ZNF212: variants seen among roughly 807,000 people sequenced by gnomAD.
ZNF212 encodes Zinc finger protein C2H2-150.
In ZNF212, 32 loss-of-function variants were observed where a neutral mutation model predicts 47.3. The ratio of observed to expected loss-of-function variants is 0.68; its 90% CI spans 0.51 to 0.91. The LOEUF (loss-of-function observed/expected upper bound fraction) is 0.91, where lower values mean the gene tolerates loss of function less well. Ranked by LOEUF, ZNF212 falls within the 40% of genes least tolerant of loss-of-function variation. The pLI is 0.00. For missense variants in ZNF212, 555 were observed against 622.8 expected (o/e 0.89, Z 1.16); for synonymous variants, 242 against 253.8 (o/e 0.95, Z 0.44).
Position 149,239,810 on chromosome 7 carries a change from G to A in ZNF212, c.24+8G>A, listed in dbSNP as rs188220516. 9.1e-3 allele frequency: 11,551 copies of A among 1,272,566 alleles called. 67 individuals carry two copies. The highest frequency in any genetic ancestry group is 0.01 in the Non-Finnish European group (10,245 of 1,001,394). The allele number at this position is 1,272,566 out of a possible 1,614,324, so 78.8% of individuals were successfully genotyped here. A position where few individuals can be genotyped will look rare whatever the true frequency, so the allele number is the denominator to read the frequency against. ...GAGTCGGCGCCTGCTCGGGTAAAGA[G>A]GCACCGGCGCGCTGGCTCGAGGGCG... On this transcript the variant is annotated splice_region_variant and intron_variant, in intron 1 of 4. Transcript: ENST00000335870.
At chr7:149,253,454 C>T in intron 4 of ZNF212, 105 bp from the exon 5 acceptor site, 2 of 1,412,038 alleles carry the variant, frequency 1.4e-6, no homozygotes, top group South Asian at 2.9e-5. Flanking sequence ...TCCTAATTCA[C>T]TTATTCCTGG....
intron 1 of ZNF212, among the ~76,000 whole-genome samples, chr7:149,244,661 T>C (rs978825400): frequency 8.5e-5 from 13 of 152,114 alleles, no homozygotes; most frequent in Non-Finnish European, 1.2e-4. Context: ...AATATCAAAG[T>C]GTAGAGACAA....
Position 149,250,266 on chromosome 7 carries a change from G to A in ZNF212, c.132G>A (p.Val44=). 1 of 1,613,466 alleles carries A rather than the reference G, an allele frequency of 6.2e-7. No homozygotes were observed. Among genetic ancestry groups the A allele is most frequent in the Non-Finnish European group, 8.5e-7 (1 of 1,179,696 alleles). Residue 44 remains valine (V), a synonymous_variant, in exon 2 of 5, where the codon GTG becomes GTA. Transcript: ENST00000335870. ...CCACCGAGATTTCACTCTGGACGGT[G>A]GTGGCCGCTATTCAGGCTGTGGAGA... ...FQTTEISLWT[V]VAAIQAVEKK...
At chr7:149,245,902 A>G (rs1422052014) in intron 1 of ZNF212, among the ~76,000 whole-genome samples, 2 of 152,122 alleles carry the variant, frequency 1.3e-5, no homozygotes, top group Non-Finnish European at 2.9e-5. Flanking sequence ...CATTCCTTCC[A>G]GGAGTGTTAT....
rs1454374640 is a variant in ZNF212, at chr7:149,255,463, TG to T, written c.*1050del. ...AGAGGGTACAGAAAAAGCACACAGA[TG>T]GCTTGTCTCAGGAGTGTTGAATGTG... On this transcript the variant is annotated 3_prime_UTR_variant, in exon 5 of 5. Transcript: ENST00000335870. 1 of 153,696 alleles carries T rather than the reference TG, an allele frequency of 6.5e-6. No individual in the cohort carries two copies. The highest frequency in any genetic ancestry group is 2.4e-5 in the African/African-American group (1 of 41,418). The allele number at this position is 153,696 out of a possible 1,614,324, so 9.5% of individuals were successfully genotyped here.
chr7:149,239,876 G>A (rs1796561821), intron 1 of ZNF212, 74 bp downstream of exon 1: 1 of 1,256,878 alleles, frequency 8.0e-7, no homozygotes, highest in Non-Finnish European at 1.0e-6. Context: ...GCGGGGCTTC[G>A]CGGTTTGGAC....
At chr7:149,246,326 C>T (rs1019230398) in intron 1 of ZNF212, among the ~76,000 whole-genome samples, 2 of 151,854 alleles carry the variant, frequency 1.3e-5, no homozygotes, top group African/African-American at 4.8e-5. Context: ...AGCATATTAC[C>T]AAGATAGAGA....
In ZNF212 at chr7:149,252,781, G is replaced by T; in HGVS notation, c.617G>T (p.Gly206Val). 1.9e-6 allele frequency: 3 copies of T among 1,614,056 alleles called. No individual in the cohort carries two copies. Among genetic ancestry groups the T allele is most frequent in the Non-Finnish European group, 2.5e-6 (3 of 1,180,002 alleles). ...MLGDLEEEGP[G>V]GAHPAGGVMI... ...GGTGACTTGGAAGAGGAAGGTCCTG[G>T]TGGTGCCCACCCAGGTGAGTGGCTC... The change falls in exon 4 of 5, where the codon GGT (glycine) becomes GTT (valine). Residue 206 changes from glycine to valine, a missense_variant. Transcript: ENST00000335870.
rs145118937 is a variant in ZNF212, at chr7:149,250,720, G to T, written c.454G>T (p.Glu152Ter). The change falls in exon 3 of 5, where the codon GAG (glutamate) becomes TAG (stop). Residue 152 changes from glutamate to a stop codon, truncating the protein, a stop_gained. Transcript: ENST00000335870. LOFTEE classifies it high-confidence loss of function. The stretch of plus-strand genomic sequence containing the variant: ...GGAGAATGATGGCGTCTGTTTCACC[G>T]AGCAGGAATGGGAGAATCTGGAGGA... Reference protein sequence around the residue: ...SLENDGVCFTEQEWENLEDWQ... With the variant: ...SLENDGVCFT 2 of 1,614,192 alleles carry T rather than the reference G, an allele frequency of 1.2e-6. No homozygotes were observed. The highest frequency in any genetic ancestry group is 2.2e-5 in the South Asian group (2 of 91,070).
At chr7:149,244,535 G>A (rs532648631) in intron 1 of ZNF212, among the ~76,000 whole-genome samples, 18 of 151,882 alleles carry the variant, frequency 1.2e-4, no homozygotes, top group Non-Finnish European at 2.2e-4. Context: ...GGATGGTCGC[G>A]ATCTCCTGAC....
At chr7:149,249,887 C>T (rs1430725920) in intron 1 of ZNF212, among the ~76,000 whole-genome samples, 2 of 152,164 alleles carry the variant, frequency 1.3e-5, no homozygotes, top group Admixed American at 1.3e-4. Flanking sequence ...CCTTGGCCTC[C>T]CAAAGTGCTG....
At chr7:149,242,032 T>C (rs958383875) in intron 1 of ZNF212, among the ~76,000 whole-genome samples, 17 of 147,802 alleles carry the variant, frequency 1.2e-4, no homozygotes, top group African/African-American at 4.2e-4. Context: ...TTTTTTTTTT[T>C]TTTTTTTTGA....
At chr7:149,241,857 C>T (rs1036603130) in intron 1 of ZNF212, among the ~76,000 whole-genome samples, 3 of 152,094 alleles carry the variant, frequency 2.0e-5, no homozygotes, top group Admixed American at 6.6e-5. Flanking sequence ...GCAGAGAGTT[C>T]AAAGGGTAAC....
intron 3 of ZNF212, among the ~76,000 whole-genome samples, chr7:149,251,941 T>TAAAAAAAAAAAAAAAAAAAAA (rs36067111): frequency 9.1e-6 from 1 of 109,540 alleles, no homozygotes; most frequent in African/African-American, 3.5e-5. Context: ...CTCTGTTGCT[T>TAAAAAAAAAAAAAAAAAAAAA]AAAAAAAAAA....
At chr7:149,240,200 C>T (rs925592142) in intron 1 of ZNF212, 5 of 209,544 alleles carry the variant, frequency 2.4e-5, no homozygotes, top group Admixed American at 1.2e-4. Flanking sequence ...CAGGACTTGC[C>T]TCTCTGCGAC....
chr7:149,248,125 A>G (rs896886391), intron 1 of ZNF212, among the ~76,000 whole-genome samples: 2 of 152,142 alleles, frequency 1.3e-5, no homozygotes, highest in African/African-American at 4.8e-5. Flanking sequence ...TTTATGAGGG[A>G]TATGCCCTCA....
rs753712150 is a variant in ZNF212, at chr7:149,250,452, A to G, written c.318A>G (p.Leu106=). ...GGACCCTGCTGCAGGAGTATGGGCT[A>G]CTGCAGAGGCGGCTGGAGAACGTGG... The part of the protein sequence containing the change: ...VLGTLLQEYG[L]LQRRLENVEN... Residue 106 remains leucine (L), a synonymous_variant, in exon 2 of 5, where the codon CTA becomes CTG. Transcript: ENST00000335870. 118 of 1,614,054 alleles carry G rather than the reference A, an allele frequency of 7.3e-5. No homozygotes were observed. The highest frequency in any genetic ancestry group is 1.7e-4 in the African/African-American group (13 of 74,942).
chr7:149,245,391 T>C (rs750443975), intron 1 of ZNF212, among the ~76,000 whole-genome samples: 13 of 151,014 alleles, frequency 8.6e-5, no homozygotes, highest in Non-Finnish European at 1.5e-4. Flanking sequence ...TTGCATACTA[T>C]GTTTATGAAT....
At position 149,254,349 on chromosome 7, in the gene ZNF212, G is replaced by T. The variant is rs765493828; in HGVS notation, c.1422G>T (p.Gln474His). Residue 474 changes from glutamine to histidine, a missense_variant, in exon 5 of 5, where the codon CAG becomes CAT. Coordinates refer to ENST00000335870, the MANE Select transcript of ZNF212 (RefSeq NM_012256.4). This position sits in a 1 kb window ranked among gnomAD's most constrained non-coding sequence, Gnocchi z 4.5. ...FVQKQHLLQH[Q>H]KIHQRERGGL... is the part of the protein sequence containing the mutation. ...AGAAGCAGCACCTCCTGCAGCACCA[G>T]AAGATCCACCAGCGGGAGCGGGGTG... The T allele has an allele frequency of 8.7e-6, 14 of 1,611,772 alleles. No homozygotes were observed. The highest frequency in any genetic ancestry group is 6.7e-5 in the Admixed American group (4 of 60,014).
Sources: gnomAD v4.1 joint callset for allele counts (sites outside exome capture counted in the v4.1 genomes callset) on GRCh38, gnomAD v4.1.1 for gene constraint, Gnocchi (gnomAD v3.1) non-coding constraint, MANE v1.5 for transcripts, NCBI Gene and HGNC (gene_info 2026-07-23, HGNC 2026-07-21) for gene names.